EXOC4: variants seen among roughly 807,000 people sequenced by gnomAD.
The protein encoded by EXOC4 is SEC8-like 1.
In EXOC4, 71 loss-of-function variants were observed where a neutral mutation model predicts 107.2. The ratio of observed to expected loss-of-function variants is 0.66; its 90% CI spans 0.55 to 0.81. The LOEUF is 0.81. EXOC4 is among the 30% of genes least tolerant of loss of function. EXOC4 has a pLI of 0.00. For synonymous variants in EXOC4, 456 were observed against 441.2 expected (o/e 1.03, Z -0.42); for missense variants, 1,108 against 1,189.6 (o/e 0.93, Z 1.01).
chr7:133,347,452 C>T (rs1024367300), intron 5 of EXOC4, among the ~76,000 whole-genome samples: 46 of 152,016 alleles, frequency 3.0e-4, no homozygotes, highest in Non-Finnish European at 6.3e-4. Context: ...CCATGTTGGC[C>T]AGGATGGTCT....
chr7:133,332,041 C>A (rs1257800058), intron 5 of EXOC4, among the ~76,000 whole-genome samples: 3 of 152,272 alleles, frequency 2.0e-5, no homozygotes, highest in Admixed American at 2.0e-4. Flanking sequence ...TTTGGACTCC[C>A]AGTATGTCTT....
At position 133,875,323 on chromosome 7, in the gene EXOC4, G is replaced by A. The variant is rs1183874153; in HGVS notation, c.1735-20276G>A. The stretch of plus-strand genomic sequence containing the variant: ...TGCTATGGTGTTGTTTTTAGCAGGC[G>A]TGGAAACCTATGCTAAAATAATTTC... On this transcript the variant is annotated intron_variant, in intron 11 of 17. Transcript: ENST00000253861. Among the ~76,000 whole-genome samples the A allele has an allele frequency of 2.6e-5, 4 of 152,174 alleles. No homozygotes were observed. In the East Asian group the frequency reaches 7.7e-4, roughly 29 times the overall value.
chr7:133,949,305 C>G (rs1435253309), intron 14 of EXOC4, among the ~76,000 whole-genome samples: 6 of 152,154 alleles, frequency 3.9e-5, no homozygotes, highest in Admixed American at 3.9e-4. Flanking sequence ...GCACAGTGTT[C>G]CTTATTAATA....
Position 133,895,609 on chromosome 7 carries a change from T to C in EXOC4, c.1745T>C (p.Ile582Thr), listed in dbSNP as rs780641719. The C allele has an allele frequency of 3.1e-6, 5 of 1,613,850 alleles. No homozygotes were observed. Among genetic ancestry groups the C allele is most frequent in the Admixed American group, 1.7e-5 (1 of 60,002 alleles). Residue 582 changes from isoleucine to threonine, a missense_variant, in exon 12 of 18, where the codon ATT becomes ACT. Ile to Thr is a moderately conservative substitution (Grantham distance 89). Coordinates refer to ENST00000253861, the MANE Select transcript of EXOC4 (RefSeq NM_021807.4). ...VQRPLLQSTI[I>T]VEKTVQDLLN... is the part of the protein sequence containing the mutation. ...GTTGTTCATTTCCAGAGCACAATCA[T>C]TGTGGAGAAGACAGTTCAAGACCTC...
At chr7:133,714,557 A>G (rs1375894049) in intron 10 of EXOC4, among the ~76,000 whole-genome samples, 1 of 152,198 alleles carries the variant, frequency 6.6e-6, no homozygotes, top group Non-Finnish European at 1.5e-5. Flanking sequence ...GGCCCCCCAT[A>G]TTCCTGGGTT....
At chr7:133,301,458 G>A (rs185560302) in intron 3 of EXOC4, among the ~76,000 whole-genome samples, 9 of 152,168 alleles carry the variant, frequency 5.9e-5, no homozygotes, top group Non-Finnish European at 1.2e-4. Flanking sequence ...GAATGGTTAT[G>A]TTGTCTTGCT....
chr7:134,073,978 G>T, the EXOC4 span, among the ~76,000 whole-genome samples: 1 of 152,166 alleles, frequency 6.6e-6, no homozygotes, highest in African/African-American at 2.4e-5. Context: ...CTTTTCTAGT[G>T]TGCCCAGGCT....
intron 12 of EXOC4, among the ~76,000 whole-genome samples, chr7:133,896,072 A>G (rs939625425): frequency 1.3e-5 from 2 of 152,216 alleles, no homozygotes; most frequent in African/African-American, 4.8e-5. Context: ...AAAGATCCTT[A>G]AAGTAGAGCA....
intron 10 of EXOC4, among the ~76,000 whole-genome samples, chr7:133,802,544 A>G (rs1237276045): frequency 6.6e-6 from 1 of 152,202 alleles, no homozygotes; most frequent in African/African-American, 2.4e-5. Context: ...AAAACCAAAC[A>G]GTGAAATGGA....
At chr7:133,902,893 G>A (rs1799486386) in intron 12 of EXOC4, among the ~76,000 whole-genome samples, 1 of 152,078 alleles carries the variant, frequency 6.6e-6, no homozygotes, top group South Asian at 2.1e-4. Context: ...TTCGAAGATA[G>A]TAAGTACTGT....
intron 9 of EXOC4, among the ~76,000 whole-genome samples, chr7:133,578,778 A>G (rs7787300): frequency 0.63 from 94,747 of 151,592 alleles, 30,729 homozygotes; most frequent in South Asian, 0.73. Flanking sequence ...CAAATCTTTA[A>G]TAGTGTTACA....
chr7:133,469,877 C>G (rs1160427138), intron 7 of EXOC4, among the ~76,000 whole-genome samples: 1 of 152,050 alleles, frequency 6.6e-6, no homozygotes, highest in African/African-American at 2.4e-5. Context: ...AGGTGGTTGC[C>G]CCAAAGAATT....
intron 10 of EXOC4, among the ~76,000 whole-genome samples, chr7:133,774,275 A>T (rs1796302434): frequency 6.6e-6 from 1 of 152,100 alleles, no homozygotes; most frequent in Non-Finnish European, 1.5e-5. Flanking sequence ...TGTTACTATA[A>T]TGGTTCACTT....
At chr7:133,597,083 A>G (rs1801691554) in intron 9 of EXOC4, among the ~76,000 whole-genome samples, 1 of 152,190 alleles carries the variant, frequency 6.6e-6, no homozygotes, top group Non-Finnish European at 1.5e-5. Context: ...AGTTTGGTGA[A>G]TAGTGCAGAG....
At chr7:133,525,555 T>C (rs927711431) in intron 9 of EXOC4, among the ~76,000 whole-genome samples, 12 of 152,194 alleles carry the variant, frequency 7.9e-5, no homozygotes, top group African/African-American at 1.7e-4. Context: ...TTTTAAGTCA[T>C]GGACCCCTTT....
intron 9 of EXOC4, chr7:133,480,362 C>A: frequency 7.4e-7 from 1 of 1,351,906 alleles, no homozygotes; most frequent in South Asian, 1.6e-5. Flanking sequence ...AGTGGGAATT[C>A]AAAGCAAAAA....
intron 5 of EXOC4, among the ~76,000 whole-genome samples, chr7:133,346,266 C>A (rs1173535230): frequency 6.6e-6 from 1 of 152,084 alleles, no homozygotes; most frequent in Admixed American, 6.5e-5. Context: ...GGTTGGCTCA[C>A]CTGGCCTGTG....
At chr7:133,973,218 A>G (rs1309563069) in intron 14 of EXOC4, among the ~76,000 whole-genome samples, 2 of 152,186 alleles carry the variant, frequency 1.3e-5, no homozygotes, top group African/African-American at 4.8e-5. Context: ...ACCCCATAAT[A>G]TGATTCGGCG....
At chr7:133,721,922 A>G (rs1426944262) in intron 10 of EXOC4, among the ~76,000 whole-genome samples, 1 of 152,138 alleles carries the variant, frequency 6.6e-6, no homozygotes, top group African/African-American at 2.4e-5. Flanking sequence ...GTTTGTTTTT[A>G]ATTTCTACCA....
Sources: gnomAD v4.1 joint callset for allele counts (sites outside exome capture counted in the v4.1 genomes callset) on GRCh38, gnomAD v4.1.1 for gene constraint, MANE v1.5 for transcripts, NCBI Gene and HGNC (gene_info 2026-07-23, HGNC 2026-07-21) for gene names.